EXOC6: variants seen among roughly 807,000 people sequenced by gnomAD.
EXOC6 encodes the protein SEC15-like 1.
Under a neutral mutation model 112.5 loss-of-function variants are expected in EXOC6, and 60 were observed. The ratio of observed to expected loss-of-function variants is 0.53; its 90% CI spans 0.43 to 0.66. The LOEUF (loss-of-function observed/expected upper bound fraction) is 0.66. Among genes scored for constraint, EXOC6 ranks in the 30% least tolerant of loss-of-function variants. The pLI is 0.00. For missense variants in EXOC6, 855 were observed against 957.1 expected (o/e 0.89, Z 1.41); for synonymous variants, 295 against 308.0 (o/e 0.96, Z 0.44).
intron 7 of EXOC6, 21 bp from the exon 8 acceptor site, chr10:92,919,961 T>C (rs529748973): frequency 6.5e-7 from 1 of 1,541,400 alleles, no homozygotes; most frequent in Middle Eastern, 1.7e-4. Context: ...ATAATTTTTT[T>C]AAAAATGGTT....
chr10:92,975,094 C>T (rs1440960729), intron 18 of EXOC6, among the ~76,000 whole-genome samples: 23 of 151,078 alleles, frequency 1.5e-4, no homozygotes, highest in African/African-American at 4.4e-4. Flanking sequence ...CGTCTCTGCC[C>T]GGCCACCATC....
intron 20 of EXOC6, among the ~76,000 whole-genome samples, chr10:93,042,879 C>T (rs951636856): frequency 5.9e-5 from 9 of 151,594 alleles, no homozygotes; most frequent in African/African-American, 1.5e-4. Context: ...CAGATGGTGC[C>T]GATTTCTAAC....
At chr10:92,921,936 G>C (rs1394634571) in intron 8 of EXOC6, among the ~76,000 whole-genome samples, 1 of 151,706 alleles carries the variant, frequency 6.6e-6, no homozygotes, top group Non-Finnish European at 1.5e-5. Context: ...AAAATTATTT[G>C]GTAAAGCTAA....
chr10:93,012,185 T>C (rs1254122452), intron 19 of EXOC6, among the ~76,000 whole-genome samples: 1 of 152,218 alleles, frequency 6.6e-6, no homozygotes, highest in Non-Finnish European at 1.5e-5. Context: ...TATTTGCTCT[T>C]ACTTTAGACA....
intron 18 of EXOC6, among the ~76,000 whole-genome samples, chr10:92,988,839 A>ACACG (rs939938926): frequency 6.9e-6 from 1 of 145,436 alleles, no homozygotes; most frequent in African/African-American, 2.6e-5. Context: ...ACACACACAC[A>ACACG]CGCATTTCTG....
chr10:92,917,387 T>C (rs1247378174), intron 7 of EXOC6, among the ~76,000 whole-genome samples: 1 of 151,452 alleles, frequency 6.6e-6, no homozygotes, highest in Non-Finnish European at 1.5e-5. Flanking sequence ...GGTGCTGAAA[T>C]ACTACAAAAA....
chr10:92,944,802 C>T (rs1361728575), intron 13 of EXOC6, among the ~76,000 whole-genome samples: 6 of 144,410 alleles, frequency 4.2e-5, no homozygotes, highest in African/African-American at 1.3e-4. Context: ...GACAGAGTTT[C>T]GCTCTTGTCG....
chr10:92,845,772 C>T (rs1282461581), upstream of EXOC6, among the ~76,000 whole-genome samples: 4 of 151,500 alleles, frequency 2.6e-5, no homozygotes. Flanking sequence ...AACCCAGTCT[C>T]TACTAAAAAT....
Position 93,058,655 on chromosome 10 carries a change from CAT to C in EXOC6, c.*303_*304del, listed in dbSNP as rs977449495. ...ATTGATTACAAATACATTTGAAAAA[CAT>C]ATGCCTCTACTCATAAGTATTTTTT... On this transcript the variant is annotated 3_prime_UTR_variant, in exon 22 of 22. Coordinates refer to ENST00000260762, the MANE Select transcript of EXOC6 (RefSeq NM_019053.6). 4.5e-6 allele frequency: 1 copy of C among 219,844 alleles called. No homozygotes were observed. Among genetic ancestry groups the C allele is most frequent in the Non-Finnish European group, 8.9e-6 (1 of 112,576 alleles). The allele number at this position is 219,844 out of a possible 1,614,324, so 13.6% of individuals were successfully genotyped here.
intron 1 of EXOC6, among the ~76,000 whole-genome samples, chr10:92,893,021 T>C (rs1024423612): frequency 6.6e-6 from 1 of 152,200 alleles, no homozygotes; most frequent in African/African-American, 2.4e-5. Flanking sequence ...CATGAGTTTG[T>C]TCATTCATTC....
chr10:92,943,709 TA>T lies in EXOC6; in HGVS notation c.1310+2886del, dbSNP rs1322519521. On this transcript the variant is annotated intron_variant, in intron 13 of 21. Transcript: ENST00000260762. ...TAACATATCCATCACCTCACGTACT[TA>T]TTTTTTTTTTTTAGTGGTGCAAACA... Among the ~76,000 whole-genome samples, 580 of 138,698 alleles carry T rather than the reference TA, an allele frequency of 4.2e-3. 4 individuals carry two copies. The highest frequency in any genetic ancestry group is 0.015 in the African/African-American group (533 of 36,184). The allele number at this position is 138,698 out of a possible 152,430, so 91.0% of individuals were successfully genotyped here. A position where few individuals can be genotyped will look rare whatever the true frequency, so the allele number is the denominator to read the frequency against.
chr10:92,841,052 T>C (rs1204870803), intron 1 of EXOC6, among the ~76,000 whole-genome samples: 1 of 152,230 alleles, frequency 6.6e-6, no homozygotes, highest in Non-Finnish European at 1.5e-5. Flanking sequence ...TACATACTTT[T>C]TGTGGTGAGA....
At chr10:92,983,761 C>T (rs1157399022) in intron 18 of EXOC6, among the ~76,000 whole-genome samples, 4 of 152,058 alleles carry the variant, frequency 2.6e-5, no homozygotes, top group Non-Finnish European at 2.9e-5. Flanking sequence ...CCCACACTGG[C>T]CTCCCAAAGT....
At chr10:93,048,028 G>T (rs2134358967) in intron 20 of EXOC6, among the ~76,000 whole-genome samples, 1 of 152,216 alleles carries the variant, frequency 6.6e-6, no homozygotes, top group South Asian at 2.1e-4. Context: ...TCAGTAATTA[G>T]GTAAAGTACT....
At chr10:92,948,741 A>G (rs1326508704) in intron 14 of EXOC6, among the ~76,000 whole-genome samples, 1 of 152,150 alleles carries the variant, frequency 6.6e-6, no homozygotes, top group Non-Finnish European at 1.5e-5. Context: ...AATGAAAAGT[A>G]GATTTATAGT....
chr10:92,896,185 T>A (rs865778100), intron 4 of EXOC6, among the ~76,000 whole-genome samples: 199 of 5,570 alleles, frequency 0.036, no homozygotes, highest in Non-Finnish European at 0.04. Context: ...ATATATATTT[T>A]TTTTTTTTTT....
chr10:92,929,178 T>C (rs542140961), intron 9 of EXOC6, among the ~76,000 whole-genome samples: 8 of 152,316 alleles, frequency 5.3e-5, no homozygotes, highest in African/African-American at 1.7e-4. Context: ...TAGGATGAGC[T>C]AGAGATAAAA....
chr10:92,918,484 G>T (rs1321064042), intron 7 of EXOC6, among the ~76,000 whole-genome samples: 2 of 150,740 alleles, frequency 1.3e-5, no homozygotes, highest in Non-Finnish European at 1.5e-5. Flanking sequence ...GCATAATCAT[G>T]GCTTACTGTA....
At chr10:92,875,062 G>A (rs1848623881) in intron 1 of EXOC6, among the ~76,000 whole-genome samples, 1 of 152,120 alleles carries the variant, frequency 6.6e-6, no homozygotes, top group Non-Finnish European at 1.5e-5. Flanking sequence ...ACTTTCCTAG[G>A]GAGAACTATA....
Sources: gnomAD v4.1 joint callset for allele counts (sites outside exome capture counted in the v4.1 genomes callset) on GRCh38, gnomAD v4.1.1 for gene constraint, MANE v1.5 for transcripts, NCBI Gene and HGNC (gene_info 2026-07-23, HGNC 2026-07-21) for gene names.